Variants in NFIL3 observed in about 807,000 individuals in gnomAD.
NFIL3 encodes the protein nuclear factor, interleukin 3 regulated.
A neutral mutation model predicts 10.0 loss-of-function variants in NFIL3; 5 were observed. The observed-to-expected ratio is 0.50, with a 90% CI of 0.26 to 1.06. The LOEUF is 1.06. Among genes scored for constraint, NFIL3 ranks in the 50% least tolerant of loss-of-function variants. The pLI is 0.13. For synonymous variants in NFIL3, 202 were observed against 206.5 expected, an observed-to-expected ratio of 0.98 and a Z score of 0.19; for missense variants, 436 against 547.6, an observed-to-expected ratio of 0.80 and a Z score of 2.03.
At chr9:91,450,995 A>G in the NFIL3 span, among the ~76,000 whole-genome samples, 2 of 152,068 alleles carry the variant, frequency 1.3e-5, no homozygotes, top group Non-Finnish European at 2.9e-5. Context: ...TTTTCTGAAA[A>G]CCAAATTTCA....
intron 1 of NFIL3, among the ~76,000 whole-genome samples, chr9:91,420,334 G>T (rs1833737080): frequency 6.8e-6 from 1 of 147,618 alleles, no homozygotes. Flanking sequence ...GATTTACAAA[G>T]AGAAAAATGA....
At chr9:91,424,320 C>G (rs2118057400), upstream of NFIL3, among the ~76,000 whole-genome samples, 1 of 152,298 alleles carries the variant, frequency 6.6e-6, no homozygotes, top group East Asian at 1.9e-4. Flanking sequence ...CTACCTGTTG[C>G]CGACTGAGCA....
chr9:91,413,707 A>G (rs566005124), intron 1 of NFIL3, among the ~76,000 whole-genome samples: 8 of 152,346 alleles, frequency 5.3e-5, no homozygotes, highest in African/African-American at 1.7e-4. Flanking sequence ...GGAGAAGTAA[A>G]GAGGAAGATA....
At chr9:91,455,169 C>A in the NFIL3 span, among the ~76,000 whole-genome samples, 1 of 152,086 alleles carries the variant, frequency 6.6e-6, no homozygotes, top group Non-Finnish European at 1.5e-5. Context: ...CTGTTTAGGT[C>A]TTTTTGTAAG....
intron 1 of NFIL3, among the ~76,000 whole-genome samples, chr9:91,416,386 C>T (rs1833657632): frequency 6.6e-6 from 1 of 152,130 alleles, no homozygotes; most frequent in African/African-American, 2.4e-5. Context: ...CTTCAAAAAG[C>T]CTCAGGATTT....
At chr9:91,431,169 T>C in the NFIL3 span, among the ~76,000 whole-genome samples, 9 of 152,318 alleles carry the variant, frequency 5.9e-5, no homozygotes, top group Non-Finnish European at 8.8e-5. Flanking sequence ...CAGTACGTTA[T>C]TCAGGCAGTA....
At chr9:91,421,390 G>A (rs1833763886) in intron 1 of NFIL3, among the ~76,000 whole-genome samples, 1 of 152,038 alleles carries the variant, frequency 6.6e-6, no homozygotes, top group Non-Finnish European at 1.5e-5. Context: ...CTCCGGGTGG[G>A]CGGCGCAGCG....
chr9:91,476,949 T>C, the NFIL3 span, among the ~76,000 whole-genome samples: 11 of 152,164 alleles, frequency 7.2e-5, no homozygotes, highest in Admixed American at 2.6e-4. Flanking sequence ...GGTGTAAATA[T>C]TAGAAAGGGA....
At chr9:91,419,165 A>G (rs963612846) in intron 1 of NFIL3, among the ~76,000 whole-genome samples, 3 of 152,244 alleles carry the variant, frequency 2.0e-5, no homozygotes, top group Admixed American at 2.0e-4. Context: ...TTTTGAATTG[A>G]ATCCCAAGTG....
the NFIL3 span, among the ~76,000 whole-genome samples, chr9:91,475,808 T>A: frequency 1.7e-4 from 26 of 152,330 alleles, no homozygotes; most frequent in East Asian, 7.7e-4. Flanking sequence ...AATACGATAA[T>A]ATAGATTAAA....
chr9:91,466,319 C>A, the NFIL3 span, among the ~76,000 whole-genome samples: 1 of 152,046 alleles, frequency 6.6e-6, no homozygotes, highest in Non-Finnish European at 1.5e-5. Context: ...AGTCACTCTA[C>A]CAGGTGAAAA....
chr9:91,426,906 G>T (rs1008220652), upstream of NFIL3: 6 of 152,168 alleles, frequency 3.9e-5, no homozygotes, highest in Admixed American at 3.3e-4. Context: ...GACCTCACTA[G>T]GCCGGAGTAA....
intron 1 of NFIL3, among the ~76,000 whole-genome samples, chr9:91,417,377 A>G (rs192012197): frequency 7.9e-5 from 12 of 152,334 alleles, no homozygotes; most frequent in Non-Finnish European, 1.5e-4. Context: ...TTTTTTAGAT[A>G]AATGTCATTT....
chr9:91,469,376 A>G, the NFIL3 span, among the ~76,000 whole-genome samples: 3 of 152,232 alleles, frequency 2.0e-5, no homozygotes, highest in East Asian at 5.8e-4. Context: ...TTGCACATTG[A>G]TTTTGTATCC....
chr9:91,456,663 G>A, the NFIL3 span, among the ~76,000 whole-genome samples: 14,924 of 151,720 alleles, frequency 0.098, 1,035 homozygotes, highest in East Asian at 0.26. Flanking sequence ...TCATTTTCTT[G>A]GCAATGCTTT....
At chr9:91,424,013 C>T (rs1290864612), upstream of NFIL3, among the ~76,000 whole-genome samples, 17 of 148,844 alleles carry the variant, frequency 1.1e-4, no homozygotes, top group South Asian at 2.3e-3. Flanking sequence ...CCTCAGCTCC[C>T]CCTCCGCGGC....
the NFIL3 span, among the ~76,000 whole-genome samples, chr9:91,429,293 T>G: frequency 2.0e-5 from 3 of 152,194 alleles, no homozygotes; most frequent in African/African-American, 7.2e-5. Context: ...CCTCTCTGAA[T>G]GTCCATTCCT....
the NFIL3 span, among the ~76,000 whole-genome samples, chr9:91,477,736 T>C: frequency 6.6e-6 from 1 of 152,174 alleles, no homozygotes; most frequent in Non-Finnish European, 1.5e-5. Context: ...CAAAGAAAAT[T>C]ATAAATGCTT....
At chr9:91,426,282 C>G (rs559083951), upstream of NFIL3, 1 of 152,290 alleles carries the variant, frequency 6.6e-6, no homozygotes, top group Admixed American at 6.5e-5. Flanking sequence ...TAGAAAACAA[C>G]TCTTTAGCTC....
Sources: gnomAD v4.1 joint callset for allele counts (sites outside exome capture counted in the v4.1 genomes callset) on GRCh38, gnomAD v4.1.1 for gene constraint, MANE v1.5 for transcripts, NCBI Gene and HGNC (gene_info 2026-07-23, HGNC 2026-07-21) for gene names.